The following CPSF2 variants were observed in gnomAD, a reference collection of about 807,000 sequenced individuals.
CPSF2 encodes the protein cleavage and polyadenylation specific factor 2, also known as cleavage and polyadenylation specificity factor subunit 2.
Under a neutral mutation model 84.2 loss-of-function variants are expected in CPSF2, and 51 were observed. That is an observed-to-expected ratio of 0.61 (90% confidence interval 0.48 to 0.77). The LOEUF is 0.77. Among genes scored for constraint, CPSF2 ranks in the 30% least tolerant of loss-of-function variants. The pLI is 0.00. For synonymous variants in CPSF2, 286 were observed against 311.9 expected, an observed-to-expected ratio of 0.92 and a Z score of 0.87; for missense variants, 641 against 929.4, an observed-to-expected ratio of 0.69 and a Z score of 4.03.
chr14:92,123,882 ACTC>A (rs1384899714), intron 1 of CPSF2, among the ~76,000 whole-genome samples: 8 of 152,216 alleles, frequency 5.3e-5, no homozygotes, highest in African/African-American at 1.7e-4. Flanking sequence ...GATCACTTTT[ACTC>A]CTCTATACAT....
At chr14:92,143,332 TG>T (rs1466545186) in intron 9 of CPSF2, 38 bp downstream of exon 9, 2 of 1,321,344 alleles carry the variant, frequency 1.5e-6, no homozygotes, top group African/African-American at 2.9e-5. Context: ...TAAAACTGTT[TG>T]GGGGATACAT....
intron 7 of CPSF2, among the ~76,000 whole-genome samples, chr14:92,141,694 CCCATGGGTACTGAGGGATGGCTGTAT>C (rs1486410237): frequency 1.3e-5 from 2 of 152,016 alleles, no homozygotes; most frequent in African/African-American, 4.8e-5. Flanking sequence ...GGGGCCAGTA[CCCATGGGTACTGAGGGATGGCTGTAT>C]ATATAATTAT....
At chr14:92,123,044 C>G (rs751338838) in intron 1 of CPSF2, among the ~76,000 whole-genome samples, 1 of 152,112 alleles carries the variant, frequency 6.6e-6, no homozygotes, top group Non-Finnish European at 1.5e-5. Flanking sequence ...CTTCCCCACT[C>G]AGTGAGCTCC....
Position 92,168,497 on chromosome 14 carries a change from A to C in CPSF2, c.*6753A>C, listed in dbSNP as rs1470354430. On this transcript the variant is annotated 3_prime_UTR_variant, in exon 16 of 16. Transcript: ENST00000298875. ...TCCCCACCACTATACGCACATGCAC[A>C]CACAGCTCTATTTTTTGGTGCTTTT... The C allele has an allele frequency of 6.6e-6, 1 of 152,156 alleles. No individual in the cohort carries two copies. The highest frequency in any genetic ancestry group is 2.4e-5 in the African/African-American group (1 of 41,426). 9.4% of individuals were successfully genotyped at this position (152,156 alleles called of 1,614,324 possible). A position where few individuals can be genotyped will look rare whatever the true frequency, so the allele number is the denominator to read the frequency against.
chr14:92,162,862 T>G lies in CPSF2; in HGVS notation c.*1118T>G, dbSNP rs1306287204. ...ACTATTGTAATCCATTAATGCTTTT[T>G]TAGAATGGCAGACCTTGATGTTTAT... On this transcript the variant is annotated 3_prime_UTR_variant, in exon 16 of 16. Transcript: ENST00000298875. 6.6e-6 allele frequency: 1 copy of G among 152,204 alleles called. No homozygotes were observed. Among genetic ancestry groups the G allele is most frequent in the Non-Finnish European group, 1.5e-5 (1 of 68,032 alleles). The allele number at this position is 152,204 out of a possible 1,614,324, so 9.4% of individuals were successfully genotyped here.
At chr14:92,140,048 G>A (rs2141463082) in intron 7 of CPSF2, among the ~76,000 whole-genome samples, 1 of 142,570 alleles carries the variant, frequency 7.0e-6, no homozygotes, top group South Asian at 2.3e-4. Context: ...CTGCCTCCCG[G>A]GTTCAAGTGA....
At chr14:92,126,541 T>C (rs933350515) in intron 2 of CPSF2, among the ~76,000 whole-genome samples, 16 of 152,242 alleles carry the variant, frequency 1.1e-4, no homozygotes, top group African/African-American at 3.9e-4. Context: ...CCAGGCGTGC[T>C]GTCTCACACC....
chr14:92,138,342 T>C lies in CPSF2; in HGVS notation c.656T>C (p.Leu219Pro). ...QPRRKQRDEQ[L>P]LTNVLETLRG... Reference sequence around the variant, plus strand: ...AGAAGAAAACAGAGAGATGAGCAGCTTCTGAGTACGTATTCTTTCACGTCC... The same window carrying C: ...AGAAGAAAACAGAGAGATGAGCAGCCTCTGAGTACGTATTCTTTCACGTCC... The change falls in exon 7 of 16, where the codon CTT (leucine) becomes CCT (proline). Residue 219 changes from leucine (L) to proline (P), a missense_variant. Coordinates refer to ENST00000298875, the MANE Select transcript of CPSF2 (RefSeq NM_017437.3). The C allele has an allele frequency of 1.3e-6, 2 of 1,508,718 alleles. No individual in the cohort carries two copies. The highest frequency in any genetic ancestry group is 2.8e-5 in the African/African-American group (2 of 70,990). The allele number at this position is 1,508,718 out of a possible 1,614,324, so 93.5% of individuals were successfully genotyped here.
Position 92,143,078 on chromosome 14 carries a change from C to G in CPSF2, c.924C>G (p.Leu308=). 1 of 1,614,114 alleles carries G rather than the reference C, an allele frequency of 6.2e-7. No individual in the cohort carries two copies. The highest frequency in any genetic ancestry group is 8.5e-7 in the Non-Finnish European group (1 of 1,179,966). Residue 308 remains leucine, a synonymous_variant, in exon 9 of 16, where the codon CTC becomes CTG. Transcript: ENST00000298875. Reference sequence around the variant, plus strand: ...ATAATCCGTTTCAGTTTCGCCATCTCTCTTTATGTCATGGTCTTTCTGACT... The same window carrying G: ...ATAATCCGTTTCAGTTTCGCCATCTGTCTTTATGTCATGGTCTTTCTGACT... ...KRNNPFQFRH[L]SLCHGLSDLA...
intron 9 of CPSF2, among the ~76,000 whole-genome samples, chr14:92,146,554 CTT>C (rs1249604253): frequency 6.6e-6 from 1 of 152,104 alleles, no homozygotes; most frequent in African/African-American, 2.4e-5. Context: ...AGTTCACTCT[CTT>C]AACCATTTTT....
chr14:92,143,214 A>C lies in CPSF2; in HGVS notation c.1060A>C (p.Ile354Leu). 2 of 1,613,770 alleles carry C rather than the reference A, an allele frequency of 1.2e-6. No individual in the cohort carries two copies. The highest frequency in any genetic ancestry group is 1.7e-6 in the Non-Finnish European group (2 of 1,179,696). ...GTGTCAGGACCCTAAAAACTCAATC[A>C]TTCTAACCTACAGAACTACTCCTGG... is the stretch of plus-strand genomic sequence containing the variant. ...QWCQDPKNSI[I>L]LTYRTTPGTL... Residue 354 changes from isoleucine (I) to leucine (L), a missense_variant, in exon 9 of 16, where the codon ATT becomes CTT. Physicochemically the swap from Ile to Leu is conservative, Grantham distance 5. Around this residue, in one of 2 missense-constraint regions of CPSF2, gnomAD observed 430 missense variants for 553.6 expected, o/e 0.78. Coordinates refer to ENST00000298875, the MANE Select transcript of CPSF2 (RefSeq NM_017437.3).
Position 92,121,994 on chromosome 14 carries a change from G to C in CPSF2, c.-228G>C. The C allele has an allele frequency of 4.3e-6, 3 of 694,314 alleles. No individual in the cohort carries two copies. The highest frequency in any genetic ancestry group is 1.8e-5 in the South Asian group (1 of 55,714). 43.0% of individuals were successfully genotyped at this position (694,314 alleles called of 1,614,324 possible). ...GCTAGTCTCCAGCTCCAAAATGGCGGCTGCCACTGTGGGGCTTCTGCCGGC... is the reference window on the plus strand; with the variant it reads ...GCTAGTCTCCAGCTCCAAAATGGCGCCTGCCACTGTGGGGCTTCTGCCGGC... On this transcript the variant is annotated 5_prime_UTR_variant, in exon 1 of 16. Transcript: ENST00000298875.
intron 11 of CPSF2, among the ~76,000 whole-genome samples, chr14:92,155,880 G>T (rs1038724782): frequency 6.6e-6 from 1 of 152,008 alleles, no homozygotes; most frequent in African/African-American, 2.4e-5. Context: ...TAGCATGAGT[G>T]AAATCATGGA....
chr14:92,127,142 A>T lies in CPSF2; in HGVS notation c.-35+962A>T, dbSNP rs374945518. Among the ~76,000 whole-genome samples the T allele has an allele frequency of 1.7e-3, 259 of 152,354 alleles. 10 individuals carry two copies. In the South Asian group the frequency reaches 0.052, roughly 30 times the overall value. On this transcript the variant is annotated intron_variant, in intron 2 of 15. Transcript: ENST00000298875. Reference sequence around the variant, plus strand: ...AGGTCTTTACCTTCATGGAGTCTGCATTCCAGTGTGGGCACAGGAGGGGAG... The same window carrying T: ...AGGTCTTTACCTTCATGGAGTCTGCTTTCCAGTGTGGGCACAGGAGGGGAG...
In CPSF2 at chr14:92,171,052, A is replaced by G. The variant is rs1351457337; in HGVS notation, c.*9308A>G. On this transcript the variant is annotated 3_prime_UTR_variant, in exon 16 of 16. Coordinates refer to ENST00000298875, the MANE Select transcript of CPSF2 (RefSeq NM_017437.3). ...TGAGACTCTCAATATCCTATTTCTC[A>G]AAATTTTACCCTTTACTTTTAGCAT... 6.6e-6 allele frequency: 1 copy of G among 152,216 alleles called. No homozygotes were observed. Among genetic ancestry groups the G allele is most frequent in the Non-Finnish European group, 1.5e-5 (1 of 68,038 alleles). 9.4% of individuals were successfully genotyped at this position (152,216 alleles called of 1,614,324 possible).
chr14:92,149,819 C>T (rs1043741369), intron 9 of CPSF2, among the ~76,000 whole-genome samples: 4 of 151,802 alleles, frequency 2.6e-5, no homozygotes, highest in Non-Finnish European at 5.9e-5. Flanking sequence ...CCACGCCTGG[C>T]TGATTTTTTG....
chr14:92,151,874 A>C (rs554467854), intron 9 of CPSF2, among the ~76,000 whole-genome samples: 1 of 151,814 alleles, frequency 6.6e-6, no homozygotes, highest in South Asian at 2.1e-4. Context: ...CGGTCTCTAC[A>C]AAAAAAATAC....
In CPSF2 at chr14:92,161,101, C is replaced by G. The variant is rs1462583205; in HGVS notation, c.2122-11C>G. 15 of 1,612,488 alleles carry G rather than the reference C, an allele frequency of 9.3e-6. No individual in the cohort carries two copies. The highest frequency in any genetic ancestry group is 1.3e-5 in the Non-Finnish European group (15 of 1,179,386). ...CTTGAAGTTATTCTTTCCCCTTTGA[C>G]CTTATCTAAGGTTCCTGGACATCAG... On this transcript the variant is annotated splice_polypyrimidine_tract_variant and intron_variant, in intron 14 of 15. Transcript: ENST00000298875.
At chr14:92,143,670 A>G (rs552555079) in intron 9 of CPSF2, among the ~76,000 whole-genome samples, 21 of 152,194 alleles carry the variant, frequency 1.4e-4, no homozygotes, top group Non-Finnish European at 2.5e-4. Flanking sequence ...CAGTGGTGCT[A>G]TCATAGTTCC....
Sources: gnomAD v4.1 joint callset for allele counts (sites outside exome capture counted in the v4.1 genomes callset) on GRCh38, gnomAD v4.1.1 for gene constraint, gnomAD v4.1.1 regional missense constraint, MANE v1.5 for transcripts, NCBI Gene and HGNC (gene_info 2026-07-23, HGNC 2026-07-21) for gene names.